Variants in ARID1B observed in about 807,000 individuals in gnomAD.
ARID1B encodes AT-rich interactive domain-containing protein 1B.
A neutral mutation model predicts 212.3 loss-of-function variants in ARID1B; 30 were observed. That is an observed-to-expected ratio of 0.14 (90% CI 0.11 to 0.19). ARID1B has a LOEUF of 0.19. Ranked by LOEUF, ARID1B falls within the 10% of genes least tolerant of loss-of-function variation. ARID1B has a pLI of 1.00. For missense variants in ARID1B, 2,891 were observed against 3,204.0 expected (o/e 0.90, Z 2.36); for synonymous variants, 1,402 against 1,301.7 (o/e 1.08, Z -1.66).
At chr6:157,081,413 C>T (rs1427237474) in intron 4 of ARID1B, among the ~76,000 whole-genome samples, 2 of 152,186 alleles carry the variant, frequency 1.3e-5, no homozygotes, top group African/African-American at 2.4e-5. Context: ...TTTAAGATAG[C>T]TCTACATACA....
chr6:157,165,556 A>T (rs553123919), intron 8 of ARID1B, among the ~76,000 whole-genome samples: 4,267 of 133,290 alleles, frequency 0.032, 78 homozygotes, highest in Non-Finnish European at 0.045. Context: ...AGTATATTTA[A>T]AAAAAAAAAT....
intron 16 of ARID1B, among the ~76,000 whole-genome samples, chr6:157,197,835 G>A (rs1244998723): frequency 6.6e-6 from 1 of 152,068 alleles, no homozygotes; most frequent in Non-Finnish European, 1.5e-5. Flanking sequence ...TGCTTGTTAG[G>A]CAACTTAAAT....
At chr6:157,005,588 T>C (rs898555555) in intron 4 of ARID1B, among the ~76,000 whole-genome samples, 1 of 152,174 alleles carries the variant, frequency 6.6e-6, no homozygotes, top group African/African-American at 2.4e-5. Flanking sequence ...AAAACCGAAT[T>C]GGTAAAACTT....
chr6:157,114,253 G>A (rs1295295463), intron 6 of ARID1B, among the ~76,000 whole-genome samples: 1 of 152,110 alleles, frequency 6.6e-6, no homozygotes, highest in Non-Finnish European at 1.5e-5. Context: ...ACTGGGCACG[G>A]TGGCTCACAC....
intron 4 of ARID1B, among the ~76,000 whole-genome samples, chr6:157,081,407 AG>A: frequency 6.6e-6 from 1 of 152,358 alleles, no homozygotes; most frequent in African/African-American, 2.4e-5. Flanking sequence ...GCATGTTTTA[AG>A]ATAGCTCTAC....
chr6:156,889,265 G>C (rs1787746573), intron 2 of ARID1B, among the ~76,000 whole-genome samples: 1 of 152,200 alleles, frequency 6.6e-6, no homozygotes. Context: ...TCTCTCAGAA[G>C]CTGCGGATTT....
At chr6:157,176,882 G>T (rs1184756699) in intron 11 of ARID1B, among the ~76,000 whole-genome samples, 1 of 152,168 alleles carries the variant, frequency 6.6e-6, no homozygotes, top group African/African-American at 2.4e-5. Context: ...TTATTAAAAA[G>T]AAAGACTAAC....
rs562594413 is a variant in ARID1B, at chr6:157,159,881, G to A, written c.3090-7159G>A. Among the ~76,000 whole-genome samples the A allele has an allele frequency of 1.0e-3, 158 of 152,340 alleles. 2 individuals are homozygous for A. Among genetic ancestry groups the A allele is most frequent in the African/African-American group, 3.7e-3 (152 of 41,584 alleles). On this transcript the variant is annotated intron_variant, in intron 8 of 19. Transcript: ENST00000636930. Reference sequence around the variant, plus strand: ...TTATTCTTGAGAGTATGGTGACAAAGTTACTACTGTTCCTTTACTTAGAAG... The same window carrying A: ...TTATTCTTGAGAGTATGGTGACAAAATTACTACTGTTCCTTTACTTAGAAG...
At chr6:156,990,172 AC>A (rs1302636831) in intron 4 of ARID1B, among the ~76,000 whole-genome samples, 5 of 123,308 alleles carry the variant, frequency 4.1e-5, no homozygotes, top group Admixed American at 2.5e-4. Flanking sequence ...GATTTCCTTA[AC>A]TTTTTTTTTT....
chr6:156,831,170 G>A (rs534614790), intron 2 of ARID1B, among the ~76,000 whole-genome samples: 11 of 152,182 alleles, frequency 7.2e-5, no homozygotes, highest in Non-Finnish European at 1.5e-4. Context: ...TTTAGTTTTA[G>A]AGCAGCTTCA....
At chr6:156,801,407 G>A (rs1001231028) in intron 1 of ARID1B, among the ~76,000 whole-genome samples, 4 of 151,782 alleles carry the variant, frequency 2.6e-5, no homozygotes, top group African/African-American at 7.3e-5. Flanking sequence ...CATCATCTTG[G>A]CTGGGCTGGT....
Position 157,110,730 on chromosome 6 carries a change from A to C in ARID1B, c.2581+169A>C. The C allele has an allele frequency of 1.0e-5, 7 of 694,650 alleles. No individual in the cohort carries two copies. The South Asian group carries it at 1.3e-4, about 13-fold the overall frequency. 43.0% of individuals were successfully genotyped at this position (694,650 alleles called of 1,614,324 possible). A position where few individuals can be genotyped will look rare whatever the true frequency, so the allele number is the denominator to read the frequency against. On this transcript the variant is annotated intron_variant, in intron 6 of 19. Transcript: ENST00000636930. The stretch of plus-strand genomic sequence containing the variant: ...CTTCCAACAAATATGGAGAGGAGGG[A>C]GGATGCTTTCTTGTAGGTTGGGTGA...
intron 4 of ARID1B, among the ~76,000 whole-genome samples, chr6:156,975,050 A>G (rs1417173151): frequency 6.6e-6 from 1 of 152,186 alleles, no homozygotes; most frequent in Non-Finnish European, 1.5e-5. Flanking sequence ...TAGAAGTGGA[A>G]TCTGCTGGGG....
At chr6:156,911,180 A>G (rs537288909) in intron 3 of ARID1B, among the ~76,000 whole-genome samples, 2 of 152,282 alleles carry the variant, frequency 1.3e-5, no homozygotes, top group Admixed American at 1.3e-4. Flanking sequence ...ATGATGAGCA[A>G]CTGTTGGCAA....
At chr6:157,136,772 G>A (rs1243546848) in intron 7 of ARID1B, among the ~76,000 whole-genome samples, 1 of 152,086 alleles carries the variant, frequency 6.6e-6, no homozygotes, top group Admixed American at 6.5e-5. Flanking sequence ...TGAGGCACAA[G>A]AATCGCTTGA....
intron 4 of ARID1B, among the ~76,000 whole-genome samples, chr6:157,028,874 T>C (rs1384634597): frequency 6.6e-6 from 1 of 152,246 alleles, no homozygotes; most frequent in Non-Finnish European, 1.5e-5. Context: ...ATCCACTGTG[T>C]TGTGGTCAGC....
intron 3 of ARID1B, among the ~76,000 whole-genome samples, chr6:156,914,896 T>C (rs528527598): frequency 1.3e-5 from 2 of 152,328 alleles, no homozygotes; most frequent in South Asian, 4.1e-4. Context: ...CCACTTTTTT[T>C]TTCTTTTTTT....
At position 157,200,585 on chromosome 6, in the gene ARID1B, G is replaced by A; in HGVS notation, c.4480-120G>A. 1.8e-6 allele frequency: 2 copies of A among 1,132,966 alleles called. No individual in the cohort carries two copies. The highest frequency in any genetic ancestry group is 3.1e-5 in the South Asian group (2 of 63,506). The allele number at this position is 1,132,966 out of a possible 1,614,324, so 70.2% of individuals were successfully genotyped here. On this transcript the variant is annotated intron_variant, in intron 17 of 19. Transcript: ENST00000636930. This position sits in a 1 kb window ranked among gnomAD's most constrained non-coding sequence, Gnocchi z 4.3. ...TTGTTAGTTCTCTGTTGTTATAGGAGCTTCCCATATTCATTTTGAAATGAA... is the reference window on the plus strand; with the variant it reads ...TTGTTAGTTCTCTGTTGTTATAGGAACTTCCCATATTCATTTTGAAATGAA...
Position 156,779,398 on chromosome 6 carries a change from G to C in ARID1B, c.1718G>C (p.Trp573Ser). The C allele has an allele frequency of 7.0e-7, 1 of 1,437,010 alleles. No individual in the cohort carries two copies. The highest frequency in any genetic ancestry group is 9.2e-7 in the Non-Finnish European group (1 of 1,091,044). 89.0% of individuals were successfully genotyped at this position (1,437,010 alleles called of 1,614,324 possible). ...GAQYAAASPA[W>S]AAAQQRSHPA... ...CAGTACGCCGCTGCCAGCCCGGCCT[G>C]GGCGGCCGCGCAACAAAGGAGTCAC... is the stretch of plus-strand genomic sequence containing the variant. Residue 573 changes from tryptophan (W) to serine (S), a missense_variant, in exon 1 of 20, where the codon TGG (tryptophan) becomes TCG (serine). Physicochemically the swap from Trp to Ser is radical, Grantham distance 177 (BLOSUM62 -3). This residue lies in a region of ARID1B where 1,643 missense variants were observed against 1,544.0 expected (regional missense o/e 1.06). Coordinates refer to ENST00000636930, the MANE Select transcript of ARID1B (RefSeq NM_001374828.1).
Sources: gnomAD v4.1 joint callset for allele counts (sites outside exome capture counted in the v4.1 genomes callset) on GRCh38, gnomAD v4.1.1 for gene constraint, gnomAD v4.1.1 regional missense constraint, Gnocchi (gnomAD v3.1) non-coding constraint, MANE v1.5 for transcripts, NCBI Gene and HGNC (gene_info 2026-07-23, HGNC 2026-07-21) for gene names.